ZFAT: variants seen among roughly 807,000 people sequenced by gnomAD.
ZFAT encodes zinc finger protein ZFAT.
A neutral mutation model predicts 117.7 loss-of-function variants in ZFAT; 64 were observed. The ratio of observed to expected loss-of-function variants is 0.54; its 90% CI spans 0.44 to 0.67. The LOEUF (loss-of-function observed/expected upper bound fraction) is 0.67. Ranked by LOEUF, ZFAT falls within the 30% of genes least tolerant of loss-of-function variation. The pLI is 0.00. For synonymous variants in ZFAT, 679 were observed against 615.0 expected (o/e 1.10, Z -1.54); for missense variants, 1,433 against 1,584.5 (o/e 0.90, Z 1.62).
intron 12 of ZFAT, among the ~76,000 whole-genome samples, chr8:134,527,653 A>T (rs1200225069): frequency 6.6e-6 from 1 of 152,240 alleles, no homozygotes; most frequent in East Asian, 1.9e-4. Context: ...GTGACATGGC[A>T]TGCAATATTA....
chr8:134,758,771 AG>A, the ZFAT span, among the ~76,000 whole-genome samples: 4 of 152,178 alleles, frequency 2.6e-5, no homozygotes, highest in Non-Finnish European at 5.9e-5. Context: ...GTGCTGGGAG[AG>A]CAAATGTTCC....
At chr8:134,737,141 G>A in the ZFAT span, among the ~76,000 whole-genome samples, 18 of 152,046 alleles carry the variant, frequency 1.2e-4, 1 homozygote, top group African/African-American at 4.1e-4. Context: ...TTAGCTGGAC[G>A]TGGTGGCGCA....
At chr8:134,790,415 C>T in the ZFAT span, among the ~76,000 whole-genome samples, 1 of 152,204 alleles carries the variant, frequency 6.6e-6, no homozygotes, top group East Asian at 1.9e-4. Context: ...TTTTCTTGCT[C>T]GGTTAATATA....
intron 9 of ZFAT, among the ~76,000 whole-genome samples, chr8:134,587,546 G>A (rs537880387): frequency 6.6e-6 from 1 of 152,268 alleles, no homozygotes; most frequent in East Asian, 1.9e-4. Flanking sequence ...GGGACCTGAT[G>A]CAGGTGTCTG....
At chr8:134,707,528 C>CTT (rs939575662) in intron 1 of ZFAT, among the ~76,000 whole-genome samples, 20 of 152,298 alleles carry the variant, frequency 1.3e-4, no homozygotes, top group Admixed American at 1.3e-3. Flanking sequence ...AGGAGAATAT[C>CTT]TAACACTAAG....
At chr8:134,589,010 AAG>A (rs1279967143) in intron 8 of ZFAT, among the ~76,000 whole-genome samples, 1 of 152,332 alleles carries the variant, frequency 6.6e-6, no homozygotes, top group East Asian at 1.9e-4. Context: ...AGAAGAAGAA[AAG>A]TGTGTGTGGT....
intron 1 of ZFAT, among the ~76,000 whole-genome samples, chr8:134,703,202 C>T (rs1322218759): frequency 3.9e-5 from 6 of 152,164 alleles, no homozygotes; most frequent in East Asian, 3.9e-4. Context: ...CTAGTGGGTA[C>T]GTAGTAGTGT....
rs114895939 is a variant in ZFAT, at chr8:134,636,734, C to T, written c.448+727G>A. 4.7e-3 allele frequency among the ~76,000 whole-genome samples: 709 copies of T among 152,312 alleles called. 4 individuals carry two copies. Among genetic ancestry groups the T allele is most frequent in the African/African-American group, 0.016 (650 of 41,558 alleles). On this transcript the variant is annotated intron_variant, in intron 3 of 15. Transcript: ENST00000377838. ...ACAGCAGAGGCCCTAACTGCTCCAG[C>T]GTAGCCTTGCTATTTCATTCCTCCG...
chr8:134,805,824 T>C, the ZFAT span, among the ~76,000 whole-genome samples: 3 of 151,750 alleles, frequency 2.0e-5, no homozygotes, highest in Admixed American at 1.3e-4. Context: ...TCTAAAAACA[T>C]ACAACATATT....
chr8:134,572,430 GA>G lies in ZFAT; in HGVS notation c.2888-7010del, dbSNP rs1399691730. Among the ~76,000 whole-genome samples the G allele has an allele frequency of 1.4e-4, 22 of 152,190 alleles. 1 individual carries two copies. The highest frequency in any genetic ancestry group is 1.4e-3 in the Admixed American group (22 of 15,266). ...TTCATCCGCTACTGCACACAAACCA[GA>G]AGACAGATCTTTCAACGCAGAGCCA... On this transcript the variant is annotated intron_variant, in intron 10 of 15. Transcript: ENST00000377838.
chr8:134,601,943 C>T lies in ZFAT; in HGVS notation c.1776G>A (p.Val592=), dbSNP rs749486930. Residue 592 remains valine, a synonymous_variant, in exon 6 of 16, where the codon GTG becomes GTA. Coordinates refer to ENST00000377838, the MANE Select transcript of ZFAT (RefSeq NM_020863.4). ...VSSSDLHSQE[V]VSDDFLLKND... Reference sequence around the variant, plus strand: ...TTTTCAACAAAAAATCATCTGAAACCACCTCTTGAGAATGCAGGTCTGAGG... The same window carrying T: ...TTTTCAACAAAAAATCATCTGAAACTACCTCTTGAGAATGCAGGTCTGAGG... 6.2e-7 allele frequency: 1 copy of T among 1,614,056 alleles called. No homozygotes were observed. Among genetic ancestry groups the T allele is most frequent in the South Asian group, 1.1e-5 (1 of 91,068 alleles).
chr8:134,712,758 C>T lies in ZFAT; in HGVS notation c.19+87G>A, dbSNP rs1170336797. ...GCGGCCGGCGGCCGGCGCACTGCTT[C>T]CCGACTCGACGCTCGAAACGGCTTT... On this transcript the variant is annotated intron_variant, in intron 1 of 15. Transcript: ENST00000377838. The T allele has an allele frequency of 3.6e-6, 5 of 1,373,292 alleles. No individual in the cohort carries two copies. In the South Asian group the frequency reaches 4.0e-5, roughly 11 times the overall value. The allele number at this position is 1,373,292 out of a possible 1,614,324, so 85.1% of individuals were successfully genotyped here.
intron 11 of ZFAT, among the ~76,000 whole-genome samples, chr8:134,560,334 C>G (rs1435845067): frequency 2.6e-5 from 4 of 152,138 alleles, no homozygotes; most frequent in Non-Finnish European, 5.9e-5. Context: ...ATCCCATGAA[C>G]TCAACATATA....
At chr8:134,515,387 C>T (rs778526806) in intron 13 of ZFAT, among the ~76,000 whole-genome samples, 2 of 152,148 alleles carry the variant, frequency 1.3e-5, no homozygotes, top group African/African-American at 2.4e-5. Context: ...ATCACCACAC[C>T]GTCTTCCACG....
rs534081530 is a variant in ZFAT at position 134,551,813 on chromosome 8, G to A, written c.2976+13520C>T. On this transcript the variant is annotated intron_variant, in intron 11 of 15. Transcript: ENST00000377838. ...TACATTCTAGGTGCTCAGATGCCTC[G>A]TGTATTTTGTACATACAACCATTTC... 2.7e-4 allele frequency among the ~76,000 whole-genome samples: 41 copies of A among 152,182 alleles called. 1 individual carries two copies. The East Asian group carries it at 6.2e-3, about 23-fold the overall frequency.
At chr8:134,822,662 A>G in the ZFAT span, among the ~76,000 whole-genome samples, 4 of 152,176 alleles carry the variant, frequency 2.6e-5, no homozygotes, top group Non-Finnish European at 5.9e-5. Flanking sequence ...GATTATTACA[A>G]GAAATATACT....
intron 5 of ZFAT, among the ~76,000 whole-genome samples, chr8:134,607,086 T>A (rs1827946360): frequency 6.6e-6 from 1 of 152,156 alleles, no homozygotes; most frequent in Non-Finnish European, 1.5e-5. Flanking sequence ...AACAAAAATA[T>A]AGCCTAGATC....
At position 134,608,879 on chromosome 8, in the gene ZFAT, C is replaced by G; in HGVS notation, c.635G>C (p.Gly212Ala). 6.3e-7 allele frequency: 1 copy of G among 1,599,466 alleles called. No homozygotes were observed. Among genetic ancestry groups the G allele is most frequent in the Non-Finnish European group, 8.5e-7 (1 of 1,175,264 alleles). The stretch of plus-strand genomic sequence containing the variant: ...CTCCACTGGCACAATCTTGGTAGCA[C>G]CTGAGATTGATGCAAAAGGCATTGC... ...VVLTAHEAIP[G>A]ATKIVPVEAG... Residue 212 changes from glycine (G) to alanine (A), a missense_variant and splice_region_variant, in exon 5 of 16, where the codon GGT (glycine) becomes GCT (alanine). Gly to Ala is a moderately conservative substitution (Grantham distance 60, BLOSUM62 0). Around this residue, in one of 5 missense-constraint regions of ZFAT, gnomAD observed 436 missense variants for 482.0 expected, o/e 0.90. Transcript: ENST00000377838.
intron 1 of ZFAT, among the ~76,000 whole-genome samples, chr8:134,666,416 G>A (rs867370377): frequency 9.9e-5 from 15 of 152,056 alleles, no homozygotes; most frequent in South Asian, 4.1e-4. Context: ...ATCATTCCTC[G>A]TGATTTTCCA....
Sources: allele counts gnomAD v4.1 joint callset (sites outside exome capture counted in the v4.1 genomes callset), GRCh38; gene constraint gnomAD v4.1.1; regional missense constraint gnomAD v4.1.1; transcripts MANE v1.5; gene names NCBI Gene and HGNC (gene_info 2026-07-23, HGNC 2026-07-21).